SGCZ: variants seen among roughly 807,000 people sequenced by gnomAD.
SGCZ encodes the protein zeta-sarcoglycan.
Under a neutral mutation model 41.3 loss-of-function variants are expected in SGCZ, and 40 were observed. The observed-to-expected ratio is 0.97, with a 90% CI of 0.75 to 1.26. The LOEUF is 1.26. SGCZ is among the 50% of genes most tolerant of loss of function. The probability of loss-of-function intolerance (pLI) is 0.00; values close to 1 mark genes in which losing one functional copy is unlikely to be tolerated. For missense variants in SGCZ, 552 were observed against 369.8 expected (o/e 1.49, Z -4.04); for synonymous variants, 206 against 137.5 (o/e 1.50, Z -3.49).
chr8:15,093,701 T>A (rs1806233228), intron 1 of SGCZ, among the ~76,000 whole-genome samples: 1 of 152,148 alleles, frequency 6.6e-6, no homozygotes, highest in Admixed American at 6.6e-5. Flanking sequence ...AAATTACACT[T>A]CACTGTATTA....
At chr8:14,516,447 A>G (rs898644148) in intron 2 of SGCZ, among the ~76,000 whole-genome samples, 1 of 152,066 alleles carries the variant, frequency 6.6e-6, no homozygotes, top group Admixed American at 6.6e-5. Context: ...ACATTTATCA[A>G]TTTAATAGCA....
chr8:14,746,214 A>G (rs1337394385), intron 1 of SGCZ, among the ~76,000 whole-genome samples: 1 of 152,144 alleles, frequency 6.6e-6, no homozygotes, highest in Non-Finnish European at 1.5e-5. Context: ...TGGGAACTGA[A>G]TGTCAGTGGA....
intron 5 of SGCZ, among the ~76,000 whole-genome samples, chr8:14,112,349 A>T (rs985816819): frequency 4.6e-5 from 7 of 151,644 alleles, no homozygotes; most frequent in African/African-American, 1.7e-4. Flanking sequence ...AAGAGCAACT[A>T]CAAGAGGAAT....
At chr8:14,098,359 C>CAACA (rs1801908529) in intron 7 of SGCZ, among the ~76,000 whole-genome samples, 1 of 152,092 alleles carries the variant, frequency 6.6e-6, no homozygotes, top group Non-Finnish European at 1.5e-5. Context: ...AAGCAAACAA[C>CAACA]AACAAAAACC....
At chr8:14,282,971 T>C (rs1389362943) in intron 3 of SGCZ, among the ~76,000 whole-genome samples, 1 of 145,280 alleles carries the variant, frequency 6.9e-6, no homozygotes, top group African/African-American at 2.5e-5. Flanking sequence ...TGCCTCAGCC[T>C]CCCGAGTAGC....
chr8:14,788,296 G>A (rs951689223), intron 1 of SGCZ, among the ~76,000 whole-genome samples: 5 of 152,154 alleles, frequency 3.3e-5, no homozygotes, highest in African/African-American at 1.2e-4. Flanking sequence ...AGACAGTGTG[G>A]AAAGGGCACT....
intron 1 of SGCZ, among the ~76,000 whole-genome samples, chr8:14,916,629 C>A (rs936520119): frequency 2.0e-5 from 3 of 152,182 alleles, no homozygotes; most frequent in African/African-American, 4.8e-5. Context: ...AACTTCACTT[C>A]ATATTTTGTA....
intron 2 of SGCZ, among the ~76,000 whole-genome samples, chr8:14,483,219 A>G (rs958182411): frequency 1.2e-4 from 19 of 152,316 alleles, no homozygotes; most frequent in Non-Finnish European, 1.8e-4. Context: ...TGCCTTTAAA[A>G]CAAAATCTTA....
At chr8:15,008,670 G>A (rs867242344) in intron 1 of SGCZ, among the ~76,000 whole-genome samples, 3 of 87,410 alleles carry the variant, frequency 3.4e-5, no homozygotes, top group African/African-American at 1.1e-4. Flanking sequence ...GATGGGAGGG[G>A]AGGAGATGGG....
intron 1 of SGCZ, among the ~76,000 whole-genome samples, chr8:14,960,875 A>G (rs1800941888): frequency 6.6e-6 from 1 of 151,656 alleles, no homozygotes; most frequent in African/African-American, 2.4e-5. Context: ...TTGAAAGTGG[A>G]ATTGTATTCA....
intron 2 of SGCZ, among the ~76,000 whole-genome samples, chr8:14,335,099 G>C (rs1281911509): frequency 6.6e-6 from 1 of 152,114 alleles, no homozygotes; most frequent in Non-Finnish European, 1.5e-5. Flanking sequence ...GCAGCAATAT[G>C]ATTGATAACA....
chr8:14,792,409 T>C (rs1800986212), intron 1 of SGCZ, among the ~76,000 whole-genome samples: 1 of 152,146 alleles, frequency 6.6e-6, no homozygotes, highest in East Asian at 1.9e-4. Context: ...TAAGTCTCTC[T>C]TTAGAAACAT....
At chr8:14,279,395 A>C (rs1171865462) in intron 3 of SGCZ, among the ~76,000 whole-genome samples, 1 of 152,064 alleles carries the variant, frequency 6.6e-6, no homozygotes, top group Non-Finnish European at 1.5e-5. Flanking sequence ...GGTTATCACA[A>C]AAATGGGACA....
At chr8:15,150,756 T>C (rs1226343325) in intron 1 of SGCZ, among the ~76,000 whole-genome samples, 1 of 152,228 alleles carries the variant, frequency 6.6e-6, no homozygotes, top group Non-Finnish European at 1.5e-5. Context: ...GCTTGGTTTC[T>C]GGAAGATAAC....
chr8:14,737,037 C>A (rs1038022443), intron 1 of SGCZ, among the ~76,000 whole-genome samples: 1 of 149,710 alleles, frequency 6.7e-6, no homozygotes, highest in Non-Finnish European at 1.5e-5. Context: ...ATATTATATA[C>A]CAGACATATA....
chr8:14,741,600 T>C (rs1356732357), intron 1 of SGCZ, among the ~76,000 whole-genome samples: 2 of 152,076 alleles, frequency 1.3e-5, no homozygotes, highest in Non-Finnish European at 2.9e-5. Flanking sequence ...ATGTATAATC[T>C]GAAAAATCAT....
intron 2 of SGCZ, among the ~76,000 whole-genome samples, chr8:14,475,224 C>T (rs1427207424): frequency 1.3e-5 from 2 of 151,908 alleles, no homozygotes; most frequent in Admixed American, 6.6e-5. Flanking sequence ...GTTTTATTTG[C>T]TTTTTTATTC....
intron 1 of SGCZ, among the ~76,000 whole-genome samples, chr8:14,932,342 C>G (rs1488410999): frequency 1.3e-5 from 2 of 151,928 alleles, no homozygotes; most frequent in African/African-American, 4.8e-5. Context: ...ACAGTTTTCT[C>G]TTTTCATTTC....
intron 1 of SGCZ, among the ~76,000 whole-genome samples, chr8:14,647,183 C>G (rs1807249325): frequency 6.6e-6 from 1 of 151,994 alleles, no homozygotes; most frequent in African/African-American, 2.4e-5. Context: ...ACAGATACAA[C>G]TAATGATAAA....
Sources: allele counts gnomAD v4.1 joint callset (sites outside exome capture counted in the v4.1 genomes callset), GRCh38; gene constraint gnomAD v4.1.1; transcripts MANE v1.5; gene names NCBI Gene and HGNC (gene_info 2026-07-23, HGNC 2026-07-21).